ZNF804A: variants seen among roughly 807,000 people sequenced by gnomAD.
The protein encoded by ZNF804A is zinc finger protein 804A.
In ZNF804A, 2 loss-of-function variants were observed where a neutral mutation model predicts 16.5. That is an observed-to-expected ratio of 0.12 (90% CI 0.05 to 0.38). The LOEUF (loss-of-function observed/expected upper bound fraction) is 0.38. ZNF804A is among the 10% of genes least tolerant of loss of function. ZNF804A has a pLI of 0.99. For synonymous variants in ZNF804A, 534 were observed against 489.6 expected (o/e 1.09, Z -1.20); for missense variants, 1,473 against 1,390.7 (o/e 1.06, Z -0.94).
intron 1 of ZNF804A, among the ~76,000 whole-genome samples, chr2:184,851,395 A>G (rs1020427669): frequency 6.6e-6 from 1 of 151,612 alleles, no homozygotes; most frequent in Non-Finnish European, 1.5e-5. Context: ...TTCTGAGTTC[A>G]ATGTTTTTAG....
At chr2:184,681,814 A>G (rs1369432490) in intron 1 of ZNF804A, among the ~76,000 whole-genome samples, 1 of 152,234 alleles carries the variant, frequency 6.6e-6, no homozygotes, top group Non-Finnish European at 1.5e-5. Context: ...GCAGCTGCCC[A>G]GATGTGGCTC....
chr2:184,892,631 G>A (rs760162613), intron 2 of ZNF804A, among the ~76,000 whole-genome samples: 1 of 151,674 alleles, frequency 6.6e-6, no homozygotes, highest in East Asian at 1.9e-4. Flanking sequence ...TTACAGGCAC[G>A]CGCCACCATG....
intron 1 of ZNF804A, among the ~76,000 whole-genome samples, chr2:184,738,107 C>T (rs1032038867): frequency 8.7e-6 from 1 of 115,286 alleles, no homozygotes; most frequent in African/African-American, 3.5e-5. Context: ...GCCCGGGCAA[C>T]AAGAGTGGAA....
At chr2:184,771,885 A>G (rs1406028187) in intron 1 of ZNF804A, among the ~76,000 whole-genome samples, 2 of 152,044 alleles carry the variant, frequency 1.3e-5, no homozygotes, top group Non-Finnish European at 2.9e-5. Flanking sequence ...CTTTAGCGAT[A>G]TAACATAATG....
At chr2:184,756,549 T>A (rs1693961662) in intron 1 of ZNF804A, among the ~76,000 whole-genome samples, 2 of 152,042 alleles carry the variant, frequency 1.3e-5, no homozygotes. Flanking sequence ...CTTCAATTAT[T>A]TTTAGGAAAC....
chr2:184,738,657 G>T (rs1328195794), intron 1 of ZNF804A, among the ~76,000 whole-genome samples: 1 of 152,154 alleles, frequency 6.6e-6, no homozygotes, highest in East Asian at 1.9e-4. Flanking sequence ...CCCACCTTTG[G>T]CAAGTATCCC....
At chr2:184,863,577 C>A (rs868186753) in intron 1 of ZNF804A, among the ~76,000 whole-genome samples, 21 of 150,780 alleles carry the variant, frequency 1.4e-4, no homozygotes, top group South Asian at 4.2e-4. Context: ...CACCTTACAA[C>A]ATAATAAGAG....
intron 1 of ZNF804A, among the ~76,000 whole-genome samples, chr2:184,808,097 C>T (rs557875078): frequency 1.3e-5 from 2 of 151,574 alleles, no homozygotes; most frequent in African/African-American, 4.8e-5. Flanking sequence ...TTAATATTTA[C>T]TGATAATATA....
chr2:184,880,036 T>A (rs1221446271), intron 2 of ZNF804A, among the ~76,000 whole-genome samples: 1 of 151,978 alleles, frequency 6.6e-6, no homozygotes, highest in African/African-American at 2.4e-5. Flanking sequence ...AGTACTAGGT[T>A]TTAATATTTG....
At chr2:184,667,521 T>C (rs1479774168) in intron 1 of ZNF804A, among the ~76,000 whole-genome samples, 6 of 151,880 alleles carry the variant, frequency 4.0e-5, no homozygotes, top group Admixed American at 3.9e-4. Flanking sequence ...GACATTATCC[T>C]GGAAGCAATG....
chr2:184,621,911 A>G (rs1052622577), intron 1 of ZNF804A, among the ~76,000 whole-genome samples: 5 of 151,824 alleles, frequency 3.3e-5, no homozygotes, highest in Non-Finnish European at 7.4e-5. Flanking sequence ...TGCAATGAAA[A>G]CATCTTATGG....
intron 1 of ZNF804A, among the ~76,000 whole-genome samples, chr2:184,835,081 A>G (rs1318919328): frequency 6.6e-6 from 1 of 152,156 alleles, no homozygotes; most frequent in Non-Finnish European, 1.5e-5. Context: ...CAGCAAATTA[A>G]CAGGATAGAA....
chr2:184,778,175 TAAG>T (rs1694316990), intron 1 of ZNF804A, among the ~76,000 whole-genome samples: 1 of 151,572 alleles, frequency 6.6e-6, no homozygotes, highest in Non-Finnish European at 1.5e-5. Context: ...TGCTTTCCAT[TAAG>T]AAGCTTTTGA....
intron 1 of ZNF804A, among the ~76,000 whole-genome samples, chr2:184,628,293 A>T (rs1193214527): frequency 6.6e-6 from 1 of 152,126 alleles, no homozygotes; most frequent in African/African-American, 2.4e-5. Flanking sequence ...AGCCTGGGCA[A>T]CAGGAGTGAA....
intron 2 of ZNF804A, among the ~76,000 whole-genome samples, chr2:184,907,498 T>C (rs1685295637): frequency 6.6e-6 from 1 of 152,182 alleles, no homozygotes; most frequent in Non-Finnish European, 1.5e-5. Flanking sequence ...TTTATTCTGT[T>C]AAATTTTTAT....
intron 1 of ZNF804A, among the ~76,000 whole-genome samples, chr2:184,665,878 G>A (rs1412480458): frequency 3.3e-5 from 5 of 152,116 alleles, no homozygotes; most frequent in African/African-American, 1.2e-4. Context: ...TTTCATTGAC[G>A]CCTCCTCTAT....
chr2:184,850,873 A>G (rs1214723377), intron 1 of ZNF804A, among the ~76,000 whole-genome samples: 1 of 151,804 alleles, frequency 6.6e-6, no homozygotes, highest in Non-Finnish European at 1.5e-5. Flanking sequence ...GCAAGGATGT[A>G]TGTGATTACA....
At chr2:184,895,778 A>G (rs550835296) in intron 2 of ZNF804A, among the ~76,000 whole-genome samples, 30 of 152,368 alleles carry the variant, frequency 2.0e-4, no homozygotes, top group African/African-American at 6.7e-4. Flanking sequence ...ATTTCACTGT[A>G]AAAAAGTAAA....
intron 1 of ZNF804A, among the ~76,000 whole-genome samples, chr2:184,805,913 A>G (rs1694793743): frequency 6.6e-6 from 1 of 152,018 alleles, no homozygotes; most frequent in African/African-American, 2.4e-5. Flanking sequence ...GAAGCTTATT[A>G]TATCAATAGT....
Sources: allele counts gnomAD v4.1 joint callset (sites outside exome capture counted in the v4.1 genomes callset), GRCh38; gene constraint gnomAD v4.1.1; transcripts MANE v1.5; gene names NCBI Gene and HGNC (gene_info 2026-07-23, HGNC 2026-07-21).